The following PDE1C variants were observed in gnomAD, a reference collection of about 807,000 sequenced individuals.
PDE1C encodes the protein dual specificity calcium/calmodulin-dependent 3',5'-cyclic nucleotide phosphodiesterase 1C.
Under a neutral mutation model 93.1 loss-of-function variants are expected in PDE1C, and 62 were observed. The observed-to-expected ratio is 0.67, with a 90% CI of 0.54 to 0.82. PDE1C has a LOEUF of 0.82. Among genes scored for constraint, PDE1C ranks in the 40% least tolerant of loss-of-function variants. The pLI, the probability that PDE1C is intolerant of heterozygous loss-of-function variation, is 0.00. For missense variants in PDE1C, 742 were observed against 884.6 expected (o/e 0.84, Z 2.04); for synonymous variants, 325 against 310.1 (o/e 1.05, Z -0.50).
chr7:32,123,896 C>T (rs951184404), intron 3 of PDE1C, among the ~76,000 whole-genome samples: 11 of 151,978 alleles, frequency 7.2e-5, no homozygotes, highest in Non-Finnish European at 1.0e-4. Context: ...TATTCAAATA[C>T]GAAGCAAGGA....
At chr7:31,705,775 C>A in the PDE1C span, among the ~76,000 whole-genome samples, 1 of 151,802 alleles carries the variant, frequency 6.6e-6, no homozygotes, top group Non-Finnish European at 1.5e-5. Flanking sequence ...GGAGGCAGTG[C>A]GAGGCAGTGG....
chr7:31,794,077 C>CAGATAGAT (rs1196325805), intron 16 of PDE1C, among the ~76,000 whole-genome samples: 28 of 135,170 alleles, frequency 2.1e-4, no homozygotes, highest in East Asian at 6.5e-4. Flanking sequence ...GACAGACAGA[C>CAGATAGAT]AGACAGACAG....
chr7:31,625,837 TCTTTATAAAGCTA>T, the PDE1C span, among the ~76,000 whole-genome samples: 1 of 152,332 alleles, frequency 6.6e-6, no homozygotes, highest in South Asian at 2.1e-4. Context: ...TTAAATTTTT[TCTTTATAAAGCTA>T]TTTTATAAAT....
chr7:31,779,890 G>A (rs1177630402), intron 16 of PDE1C, among the ~76,000 whole-genome samples: 3 of 152,006 alleles, frequency 2.0e-5, no homozygotes, highest in African/African-American at 4.8e-5. Flanking sequence ...TCACCCTTCC[G>A]TTGCTCCCTC....
chr7:31,859,518 G>A (rs916426578), intron 7 of PDE1C, among the ~76,000 whole-genome samples: 16 of 151,172 alleles, frequency 1.1e-4, no homozygotes, highest in African/African-American at 3.9e-4. Flanking sequence ...AGCCTGTAAT[G>A]TTATATCCAA....
chr7:31,911,552 T>C (rs1254963074), intron 2 of PDE1C, among the ~76,000 whole-genome samples: 2 of 152,152 alleles, frequency 1.3e-5, no homozygotes, highest in Non-Finnish European at 1.5e-5. Context: ...CTAATCCCCC[T>C]GCTAATCTCC....
At chr7:31,778,494 C>T (rs1179630680) in intron 16 of PDE1C, among the ~76,000 whole-genome samples, 3 of 152,130 alleles carry the variant, frequency 2.0e-5, no homozygotes, top group African/African-American at 7.2e-5. Flanking sequence ...AGCAGTGTCC[C>T]TGGCCTCTAC....
intron 3 of PDE1C, among the ~76,000 whole-genome samples, chr7:32,144,712 G>T (rs548974520): frequency 6.6e-6 from 1 of 152,162 alleles, no homozygotes; most frequent in Admixed American, 6.5e-5. Flanking sequence ...GTGAGAGGGC[G>T]GGAGCAAAAC....
chr7:32,399,461 A>T (rs73305845), intron 1 of PDE1C, among the ~76,000 whole-genome samples: 5,048 of 152,166 alleles, frequency 0.033, 262 homozygotes, highest in African/African-American at 0.12. Context: ...GAGAGCCTAC[A>T]GCTGGCTTGC....
intron 2 of PDE1C, among the ~76,000 whole-genome samples, chr7:31,932,757 C>A (rs1341313492): frequency 6.6e-6 from 1 of 151,688 alleles, no homozygotes; most frequent in Non-Finnish European, 1.5e-5. Context: ...CATAAAGACA[C>A]ATGCGCACAT....
Position 31,756,238 on chromosome 7 carries a change from C to T in PDE1C, c.1961-2685G>A, listed in dbSNP as rs1481358340. Among the ~76,000 whole-genome samples the T allele has an allele frequency of 3.3e-5, 5 of 152,120 alleles. No homozygotes were observed. The East Asian group carries it at 9.7e-4, about 29-fold the overall frequency. On this transcript the variant is annotated intron_variant, in intron 17 of 17. Coordinates refer to ENST00000396191, the MANE Select transcript of PDE1C (RefSeq NM_001191057.4). ...AGAGAAATCTAGTAAACACTTCTTC[C>T]AGGGGATCAAGGTTGACACCAGTGG...
chr7:31,812,825 C>G (rs1410372565), intron 15 of PDE1C, among the ~76,000 whole-genome samples: 1 of 152,078 alleles, frequency 6.6e-6, no homozygotes. Flanking sequence ...TCTGATGGCC[C>G]CTCTCCCTGA....
Position 32,204,002 on chromosome 7 carries a change from A to G in PDE1C, c.136+5487T>C, listed in dbSNP as rs550826500. Among the ~76,000 whole-genome samples the G allele has an allele frequency of 3.3e-5, 5 of 152,284 alleles. No homozygotes were observed. The South Asian group carries it at 1.0e-3, about 32-fold the overall frequency. On this transcript the variant is annotated intron_variant, in intron 2 of 18. Transcript: ENST00000396193. ...TGCTGGCTTCTCTGTGGTGTATCCA[A>G]ATTGCCAGCATCAGTACTCTTGCAC...
At chr7:31,902,928 A>T (rs1800162166) in intron 2 of PDE1C, among the ~76,000 whole-genome samples, 2 of 151,778 alleles carry the variant, frequency 1.3e-5, no homozygotes, top group South Asian at 4.1e-4. Flanking sequence ...TAGTCTTCCT[A>T]AACCAAATGC....
intron 1 of PDE1C, among the ~76,000 whole-genome samples, chr7:32,404,249 A>G (rs1272830363): frequency 1.3e-5 from 2 of 152,252 alleles, no homozygotes; most frequent in African/African-American, 4.8e-5. Flanking sequence ...TAAAGCATTT[A>G]GAAAGTGACT....
Position 32,246,067 on chromosome 7 carries a change from C to T in PDE1C, c.86-36528G>A, listed in dbSNP as rs1394469428. 2.0e-5 allele frequency among the ~76,000 whole-genome samples: 3 copies of T among 148,576 alleles called. No homozygotes were observed. The East Asian group carries it at 6.0e-4, about 30-fold the overall frequency. On this transcript the variant is annotated intron_variant, in intron 1 of 18. Coordinates refer to the PDE1C transcript ENST00000396193. ...CACTGAAGCCTCGAACTCCTGGACT[C>T]AAGCAGTCCTCACGCCCCAGCCTCC...
chr7:32,186,485 C>T (rs146628590), intron 2 of PDE1C, among the ~76,000 whole-genome samples: 325 of 152,278 alleles, frequency 2.1e-3, no homozygotes, highest in African/African-American at 7.4e-3. Context: ...TCTAAGAAGA[C>T]AGCAATGGCA....
intron 1 of PDE1C, among the ~76,000 whole-genome samples, chr7:32,275,107 C>T (rs1811196976): frequency 6.6e-6 from 1 of 152,142 alleles, no homozygotes; most frequent in Non-Finnish European, 1.5e-5. Context: ...GTTAGGGTTG[C>T]ATATCTAGGA....
chr7:31,968,435 A>G (rs2129045068), intron 2 of PDE1C, among the ~76,000 whole-genome samples: 1 of 152,208 alleles, frequency 6.6e-6, no homozygotes, highest in African/African-American at 2.4e-5. Context: ...GAGAACTACA[A>G]ACCACTGCTC....
Sources: gnomAD v4.1 joint callset for allele counts (sites outside exome capture counted in the v4.1 genomes callset) on GRCh38, gnomAD v4.1.1 for gene constraint, MANE v1.5 for transcripts, NCBI Gene and HGNC (gene_info 2026-07-23, HGNC 2026-07-21) for gene names.